The following SNTG2 variants were observed in gnomAD, a reference collection of about 807,000 sequenced individuals.
SNTG2 encodes the protein gamma-2-syntrophin.
Under a neutral mutation model 70.9 loss-of-function variants are expected in SNTG2, and 74 were observed. The observed-to-expected ratio is 1.04, with a 90% CI of 0.86 to 1.27. The LOEUF is 1.27. Among genes scored for constraint, SNTG2 ranks in the 50% most tolerant of loss-of-function variants. The probability of loss-of-function intolerance (pLI) is 0.00; values close to 1 mark genes in which losing one functional copy is unlikely to be tolerated. For missense variants in SNTG2, 717 were observed against 690.7 expected, an observed-to-expected ratio of 1.04 and a Z score of -0.43; for synonymous variants, 278 against 273.8, an observed-to-expected ratio of 1.02 and a Z score of -0.15.
At chr2:1,098,512 A>T (rs1317627729) in intron 4 of SNTG2, 102 bp downstream of exon 4, 45 of 1,227,138 alleles carry the variant, frequency 3.7e-5, no homozygotes, top group Non-Finnish European at 2.7e-5. Flanking sequence ...TTGCTCGATT[A>T]CCTAAACTTC....
chr2:1,177,355 A>G (rs1671549539), intron 8 of SNTG2, among the ~76,000 whole-genome samples: 1 of 152,166 alleles, frequency 6.6e-6, no homozygotes, highest in African/African-American at 2.4e-5. Flanking sequence ...GAGAGCATCA[A>G]GAAAAAATAG....
intron 14 of SNTG2, among the ~76,000 whole-genome samples, chr2:1,273,522 GATGTGCAAAGGC>G (rs1475976481): frequency 6.6e-6 from 1 of 152,050 alleles, no homozygotes; most frequent in African/African-American, 2.4e-5. Context: ...GTGTATGGCA[GATGTGCAAAGGC>G]AATTCAGTGG....
At chr2:1,228,952 T>G (rs1675992738) in intron 9 of SNTG2, among the ~76,000 whole-genome samples, 1 of 152,112 alleles carries the variant, frequency 6.6e-6, no homozygotes, top group Non-Finnish European at 1.5e-5. Context: ...TTACAGCTCT[T>G]AAGGCGGTGC....
chr2:1,072,687 T>G (rs954200200), intron 1 of SNTG2, among the ~76,000 whole-genome samples: 1 of 152,192 alleles, frequency 6.6e-6, no homozygotes, highest in Non-Finnish European at 1.5e-5. Context: ...ACTTCAAGTT[T>G]TATTATTTAA....
chr2:961,455 C>T (rs1206398789), intron 1 of SNTG2, among the ~76,000 whole-genome samples: 1 of 152,198 alleles, frequency 6.6e-6, no homozygotes, highest in African/African-American at 2.4e-5. Context: ...GTAGCATCTG[C>T]ATTAGTACAG....
chr2:956,156 C>CCCGCT lies in SNTG2; in HGVS notation c.72+5090_72+5091insGCTCC, dbSNP rs1553301147. On this transcript the variant is annotated intron_variant, in intron 1 of 16. Coordinates refer to ENST00000308624, the MANE Select transcript of SNTG2 (RefSeq NM_018968.4). ...TGCACCCACCGCGCCCCGCCCCTGC[C>CCCGCT]CCTGCCCTGCACCTACCCCTGCCCT... Among the ~76,000 whole-genome samples the CCCGCT allele has an allele frequency of 3.0e-4, 21 of 68,906 alleles. No homozygotes were observed. The South Asian group carries it at 0.011, about 37-fold the overall frequency. The allele number at this position is 68,906 out of a possible 152,430, so 45.2% of individuals were successfully genotyped here.
intron 12 of SNTG2, among the ~76,000 whole-genome samples, chr2:1,251,868 C>T (rs905767839): frequency 1.3e-5 from 2 of 152,180 alleles, no homozygotes; most frequent in Non-Finnish European, 1.5e-5. Flanking sequence ...CAGACCATGG[C>T]GTGTGGATGT....
chr2:1,322,907 C>T (rs10196511), intron 16 of SNTG2, among the ~76,000 whole-genome samples: 2,393 of 152,166 alleles, frequency 0.016, 57 homozygotes, highest in African/African-American at 0.054. Context: ...AGAGGAAGGC[C>T]CAGATCCAAG....
intron 1 of SNTG2, among the ~76,000 whole-genome samples, chr2:978,542 G>A (rs190512581): frequency 6.6e-6 from 1 of 152,108 alleles, no homozygotes; most frequent in Non-Finnish European, 1.5e-5. Flanking sequence ...TTAATTCTCC[G>A]CTTATCAAGT....
chr2:1,241,316 T>C (rs1378113094), intron 11 of SNTG2, among the ~76,000 whole-genome samples: 1 of 152,142 alleles, frequency 6.6e-6, no homozygotes, highest in African/African-American at 2.4e-5. Context: ...TGCTAAACAG[T>C]GATGTCCGCA....
At position 1,263,096 on chromosome 2, in the gene SNTG2, G is replaced by C. The variant is rs1392224767; in HGVS notation, c.1077+3655G>C. 1.3e-5 allele frequency: 2 copies of C among 152,164 alleles called. 1 individual carries two copies. Among genetic ancestry groups the C allele is most frequent in the East Asian group, 3.8e-4 (2 of 5,196 alleles). 9.4% of individuals were successfully genotyped at this position (152,164 alleles called of 1,614,324 possible). On this transcript the variant is annotated intron_variant, in intron 13 of 16. Transcript: ENST00000308624. ...AAACAATCCCTTGCTTGATCAAGCA[G>C]TCTCACTCCTCAGAATTGAATCTAA...
intron 1 of SNTG2, among the ~76,000 whole-genome samples, chr2:983,072 A>T (rs567963143): frequency 6.6e-6 from 1 of 150,860 alleles, no homozygotes; most frequent in Non-Finnish European, 1.5e-5. Context: ...AAGAAGTTGC[A>T]GAGGTGGAGG....
At chr2:1,271,739 C>T (rs1056568051) in intron 14 of SNTG2, among the ~76,000 whole-genome samples, 1 of 152,104 alleles carries the variant, frequency 6.6e-6, no homozygotes, top group Non-Finnish European at 1.5e-5. Flanking sequence ...GCCTCCATAA[C>T]CCATTGAGGA....
chr2:1,052,358 A>G (rs1662123474), intron 1 of SNTG2, among the ~76,000 whole-genome samples: 2 of 152,218 alleles, frequency 1.3e-5, no homozygotes, highest in African/African-American at 4.8e-5. Context: ...CATGTTTTAA[A>G]GAGTTCATCC....
intron 1 of SNTG2, among the ~76,000 whole-genome samples, chr2:1,017,399 GCATGCAGACACATGGAGCTACGTGTACA>G (rs772486265): frequency 2.0e-5 from 3 of 152,116 alleles, no homozygotes. Context: ...ACACATGCAG[GCATGCAGACACATGGAGCTACGTGTACA>G]CATGCAGACA....
chr2:1,121,525 A>G (rs747160043), intron 4 of SNTG2, among the ~76,000 whole-genome samples: 5 of 152,204 alleles, frequency 3.3e-5, no homozygotes, highest in Admixed American at 6.5e-5. Context: ...GCTGCTATAA[A>G]GAACTGTCTG....
chr2:1,085,037 T>C (rs1467962225), intron 2 of SNTG2, among the ~76,000 whole-genome samples: 1 of 152,194 alleles, frequency 6.6e-6, no homozygotes, highest in Non-Finnish European at 1.5e-5. Flanking sequence ...CCACTGTCGG[T>C]CTTCACGGGC....
intron 1 of SNTG2, among the ~76,000 whole-genome samples, chr2:1,031,528 A>ATTTTTTTTTTTTTTTTTTT (rs745388505): frequency 1.7e-5 from 1 of 59,142 alleles, no homozygotes; most frequent in African/African-American, 8.3e-5. Flanking sequence ...ATATATATAT[A>ATTTTTTTTTTTTTTTTTTT]TTTTTTTTTT....
At chr2:1,017,929 AT>A (rs1659958452) in intron 1 of SNTG2, among the ~76,000 whole-genome samples, 1 of 151,926 alleles carries the variant, frequency 6.6e-6, no homozygotes, top group African/African-American at 2.4e-5. Context: ...TAACTTCCAT[AT>A]TTTTCTTTAG....
Sources: allele counts gnomAD v4.1 joint callset (sites outside exome capture counted in the v4.1 genomes callset), GRCh38; gene constraint gnomAD v4.1.1; transcripts MANE v1.5; gene names NCBI Gene and HGNC (gene_info 2026-07-23, HGNC 2026-07-21).